Variants in THRAP3 observed in about 807,000 individuals in gnomAD.
THRAP3 encodes the protein thyroid hormone receptor associated protein 3, also known as thyroid hormone receptor-associated protein 3.
Under a neutral mutation model 101.0 loss-of-function variants are expected in THRAP3, and 16 were observed. The ratio of observed to expected loss-of-function variants is 0.16; its 90% CI spans 0.11 to 0.24. The LOEUF is 0.24. THRAP3 is among the 10% of genes least tolerant of loss of function. The pLI is 1.00. For synonymous variants in THRAP3, 407 were observed against 422.6 expected (o/e 0.96, Z 0.45); for missense variants, 989 against 1,202.7 (o/e 0.82, Z 2.63).
At chr1:36,295,026 C>A (rs1168028605) in intron 8 of THRAP3, among the ~76,000 whole-genome samples, 1 of 152,120 alleles carries the variant, frequency 6.6e-6, no homozygotes, top group Non-Finnish European at 1.5e-5. Context: ...GAGTTTGACA[C>A]CAGCCTGACC....
the THRAP3 span, among the ~76,000 whole-genome samples, chr1:36,213,380 C>T: frequency 7.9e-5 from 12 of 152,094 alleles, no homozygotes; most frequent in Non-Finnish European, 1.6e-4. Flanking sequence ...TGTTCTAAGA[C>T]ATGTTCTGTT....
intron 1 of THRAP3, among the ~76,000 whole-genome samples, chr1:36,244,018 G>T (rs1182188664): frequency 6.8e-6 from 1 of 146,004 alleles, no homozygotes; most frequent in Non-Finnish European, 1.5e-5. Flanking sequence ...GCCGGGCGGG[G>T]GGCTGACCCC....
At position 36,291,400 on chromosome 1, in the gene THRAP3, G is replaced by A. The variant is rs1645866284; in HGVS notation, c.1772G>A (p.Arg591His). ...CCCAGTGGCTTATTGGCTCAGGAAC[G>A]CAAGCTTTGCCGAGATCTAGTCCAT... is the stretch of plus-strand genomic sequence containing the variant. ...ARPSGLLAQE[R>H]KLCRDLVHSN... Residue 591 changes from arginine (R) to histidine (H), a missense_variant, in exon 6 of 12, where the codon CGC becomes CAC. Arg to His is a conservative substitution (Grantham distance 29). Coordinates refer to ENST00000354618, the MANE Select transcript of THRAP3 (RefSeq NM_005119.4). 1.2e-6 allele frequency: 2 copies of A among 1,613,850 alleles called. No homozygotes were observed. Among genetic ancestry groups the A allele is most frequent in the Non-Finnish European group, 1.7e-6 (2 of 1,179,942 alleles).
upstream of THRAP3, among the ~76,000 whole-genome samples, chr1:36,223,837 TAAAA>T (rs1209407338): frequency 6.6e-6 from 1 of 151,694 alleles, no homozygotes; most frequent in Non-Finnish European, 1.5e-5. Context: ...CAATTAAAAT[TAAAA>T]AAACGAAACC....
intron 1 of THRAP3, among the ~76,000 whole-genome samples, chr1:36,244,407 C>A (rs1185834137): frequency 6.6e-6 from 1 of 152,078 alleles, no homozygotes; most frequent in Non-Finnish European, 1.5e-5. Flanking sequence ...GTTGAATGTG[C>A]CTTCATGGAT....
At chr1:36,252,960 ATATATATAT>A (rs1557819444) in intron 1 of THRAP3, among the ~76,000 whole-genome samples, 77 of 133,812 alleles carry the variant, frequency 5.8e-4, no homozygotes, top group African/African-American at 2.0e-3. Flanking sequence ...ATATATATAT[ATATATATAT>A]AAATGTAAAT....
At chr1:36,290,410 C>T (rs376444569) in intron 5 of THRAP3, among the ~76,000 whole-genome samples, 2 of 151,988 alleles carry the variant, frequency 1.3e-5, no homozygotes, top group Admixed American at 6.5e-5. Context: ...AGGATGGTCT[C>T]GATCTCCTGA....
rs572507816 is a variant in THRAP3, at chr1:36,273,053, C to T, written c.-31-9480C>T. ...TATTCATTTAACAAGTACAAAGTGT[C>T]CACTCTGTGGCTAAACGCAAAGCAC... On this transcript the variant is annotated intron_variant, in intron 2 of 11. Coordinates refer to ENST00000354618, the MANE Select transcript of THRAP3 (RefSeq NM_005119.4). Among the ~76,000 whole-genome samples, 5 of 152,342 alleles carry T rather than the reference C, an allele frequency of 3.3e-5. No homozygotes were observed. The South Asian group carries it at 6.2e-4, about 19-fold the overall frequency.
At position 36,302,600 on chromosome 1, in the gene THRAP3, T is replaced by C. The variant is rs78835754; in HGVS notation, c.2646+904T>C. Among the ~76,000 whole-genome samples the C allele has an allele frequency of 8.7e-3, 1,323 of 152,246 alleles. 15 individuals are homozygous for C. Among genetic ancestry groups the C allele is most frequent in the African/African-American group, 0.031 (1,270 of 41,534 alleles). On this transcript the variant is annotated intron_variant, in intron 11 of 11. Coordinates refer to ENST00000354618, the MANE Select transcript of THRAP3 (RefSeq NM_005119.4). The stretch of plus-strand genomic sequence containing the variant: ...GAGAGAGTATTGCCAGCCTGATTCG[T>C]TTAGTGTGAACAAGCAGCCATGGTC...
chr1:36,242,801 T>C (rs1645178191), intron 1 of THRAP3, among the ~76,000 whole-genome samples: 1 of 152,226 alleles, frequency 6.6e-6, no homozygotes, highest in Non-Finnish European at 1.5e-5. Context: ...TCTTTACCTT[T>C]ATGGTTTGTA....
rs184644012 is a variant in THRAP3 at position 36,269,619 on chromosome 1, G to C, written c.-32+10135G>C. On this transcript the variant is annotated intron_variant, in intron 2 of 11. Transcript: ENST00000354618. Reference sequence around the variant, plus strand: ...ACACGTGGAAAAGCACATAACCCAGGCTGTTGTGCAGTGGAGCAATCATTG... The same window carrying C: ...ACACGTGGAAAAGCACATAACCCAGCCTGTTGTGCAGTGGAGCAATCATTG... 1.4e-3 allele frequency among the ~76,000 whole-genome samples: 220 copies of C among 152,316 alleles called. 1 individual carries two copies. Among genetic ancestry groups the C allele is most frequent in the Middle Eastern group, 0.01 (3 of 294 alleles).
Position 36,253,760 on chromosome 1 carries a change from A to ATTTTTTTTTTTTTTTTTTTTTTTTTTTTT in THRAP3, c.-134-5603_-134-5602insTTTTTTTTTTTTTTTTTTTTTTTTTTTTT, listed in dbSNP as rs58306701. On this transcript the variant is annotated intron_variant, in intron 1 of 11. Coordinates refer to ENST00000354618, the MANE Select transcript of THRAP3 (RefSeq NM_005119.4). ...AGGCGTACACCATTGAGTCAGGCTA[A>ATTTTTTTTTTTTTTTTTTTTTTTTTTTTT]TTTTTTTTTTTTTTTTTTTAGTTTT... is the stretch of plus-strand genomic sequence containing the variant. Among the ~76,000 whole-genome samples the ATTTTTTTTTTTTTTTTTTTTTTTTTTTTT allele has an allele frequency of 1.6e-4, 16 of 100,216 alleles. 1 individual carries two copies. The highest frequency in any genetic ancestry group is 6.3e-4 in the African/African-American group (15 of 23,654). 65.7% of individuals were successfully genotyped at this position (100,216 alleles called of 152,430 possible).
rs1306615253 is a variant in THRAP3 at position 36,282,719 on chromosome 1, G to A, written c.137+19G>A. The A allele has an allele frequency of 1.2e-6, 2 of 1,613,606 alleles. No individual in the cohort carries two copies. Among genetic ancestry groups the A allele is most frequent in the Admixed American group, 3.3e-5 (2 of 59,946 alleles). ...GGCTGAGGTAAGGGGGTGTGACTTT[G>A]TATATTGAGATAATCATTGCATCAG... On this transcript the variant is annotated intron_variant, in intron 3 of 11. Transcript: ENST00000354618.
intron 1 of THRAP3, chr1:36,224,901 G>A (rs1244628503): frequency 6.6e-6 from 1 of 152,322 alleles, no homozygotes; most frequent in African/African-American, 2.4e-5. Flanking sequence ...CATTGGCCTG[G>A]TTCGGTCTTC....
rs201119618 is a variant in THRAP3 at position 36,303,844 on chromosome 1, C to T, written c.2695C>T (p.Arg899Trp). The T allele has an allele frequency of 1.3e-4, 203 of 1,613,984 alleles. No homozygotes were observed. The highest frequency in any genetic ancestry group is 1.6e-4 in the Non-Finnish European group (190 of 1,180,026). The stretch of plus-strand genomic sequence containing the variant: ...CAGTGACAAGTGGGTGAGCCGGGGC[C>T]GGGGCCGAGGAGCCTTTCCTCGGGG... Reference protein sequence around the residue: ...EGSDKWVSRGRGRGAFPRGRG... With the variant: ...EGSDKWVSRGWGRGAFPRGRG... The change falls in exon 12 of 12, where the codon CGG (arginine) becomes TGG (tryptophan). Residue 899 changes from arginine (R) to tryptophan (W), a missense_variant. Coordinates refer to ENST00000354618, the MANE Select transcript of THRAP3 (RefSeq NM_005119.4).
intron 1 of THRAP3, among the ~76,000 whole-genome samples, chr1:36,255,344 A>C (rs1339361368): frequency 6.6e-6 from 1 of 152,124 alleles, no homozygotes; most frequent in Admixed American, 6.5e-5. Context: ...AAAGATTGCC[A>C]GGGGCCGGGT....
chr1:36,261,656 T>C (rs1321497330), intron 2 of THRAP3, among the ~76,000 whole-genome samples: 2 of 152,174 alleles, frequency 1.3e-5, no homozygotes, highest in Non-Finnish European at 2.9e-5. Context: ...AAGTTCTGGT[T>C]GAGTGTGTGG....
the THRAP3 span, among the ~76,000 whole-genome samples, chr1:36,216,640 G>T: frequency 6.6e-6 from 1 of 151,920 alleles, no homozygotes; most frequent in South Asian, 2.1e-4. Flanking sequence ...CAAAAAAATA[G>T]CTGAGCATGG....
At chr1:36,218,880 A>G in the THRAP3 span, among the ~76,000 whole-genome samples, 1 of 151,952 alleles carries the variant, frequency 6.6e-6, no homozygotes, top group East Asian at 1.9e-4. Context: ...TAAAAATACT[A>G]AAACTAGCCA....
Sources: allele counts gnomAD v4.1 joint callset (sites outside exome capture counted in the v4.1 genomes callset), GRCh38; gene constraint gnomAD v4.1.1; transcripts MANE v1.5; gene names NCBI Gene and HGNC (gene_info 2026-07-23, HGNC 2026-07-21).